The following TNIK variants were observed in gnomAD, a reference collection of about 807,000 sequenced individuals.
TNIK encodes TRAF2 and NCK interacting kinase.
Under a neutral mutation model 191.3 loss-of-function variants are expected in TNIK, and 49 were observed. The ratio of observed to expected loss-of-function variants is 0.26; its 90% CI spans 0.20 to 0.32. TNIK has a LOEUF of 0.32. Ranked by LOEUF, TNIK falls within the 10% of genes least tolerant of loss-of-function variation. The pLI, the probability that TNIK is intolerant of heterozygous loss-of-function variation, is 1.00. For synonymous variants in TNIK, 594 were observed against 600.9 expected (o/e 0.99, Z 0.17); for missense variants, 1,155 against 1,702.3 (o/e 0.68, Z 5.66).
intron 12 of TNIK, among the ~76,000 whole-genome samples, chr3:171,146,756 G>A (rs1731650037): frequency 6.6e-6 from 1 of 151,992 alleles, no homozygotes; most frequent in Non-Finnish European, 1.5e-5. Flanking sequence ...TGGGTGTGAT[G>A]GTGCGTGCCT....
At chr3:171,330,234 T>G (rs1408898202) in intron 2 of TNIK, among the ~76,000 whole-genome samples, 2 of 152,210 alleles carry the variant, frequency 1.3e-5, no homozygotes, top group African/African-American at 4.8e-5. Flanking sequence ...ATCAGTCAAG[T>G]GTCATTGAGT....
At chr3:171,299,951 A>G (rs1317044421) in intron 2 of TNIK, among the ~76,000 whole-genome samples, 1 of 152,238 alleles carries the variant, frequency 6.6e-6, no homozygotes, top group Non-Finnish European at 1.5e-5. Context: ...GGGATGAATG[A>G]TATCTTTCAA....
At chr3:171,341,062 A>T (rs1460286996) in intron 2 of TNIK, among the ~76,000 whole-genome samples, 1 of 152,188 alleles carries the variant, frequency 6.6e-6, no homozygotes, top group East Asian at 1.9e-4. Context: ...CAAAACCATG[A>T]GCTTATGGCT....
chr3:171,066,090 T>C, intron 32 of TNIK, 97 bp downstream of exon 32: 1 of 1,464,868 alleles, frequency 6.8e-7, no homozygotes, highest in Non-Finnish European at 9.3e-7. Context: ...TTAACACAGA[T>C]GTGATTCAAA....
chr3:171,440,161 C>T (rs1407038763), intron 1 of TNIK, among the ~76,000 whole-genome samples: 1 of 152,192 alleles, frequency 6.6e-6, no homozygotes, highest in Non-Finnish European at 1.5e-5. Flanking sequence ...AAGCCCTCTT[C>T]CTTTCTCCAC....
At position 171,338,469 on chromosome 3, in the gene TNIK, G is replaced by T. The variant is rs1316770805; in HGVS notation, c.123+31151C>A. 2.0e-5 allele frequency among the ~76,000 whole-genome samples: 3 copies of T among 152,016 alleles called. No individual in the cohort carries two copies. In the East Asian group the frequency reaches 5.8e-4, roughly 29 times the overall value. Reference sequence around the variant, plus strand: ...ATTGAATGCTTACTATGTGTGCCAAGAAATGTGCTTAACTCTTTTTTATTA... The same window carrying T: ...ATTGAATGCTTACTATGTGTGCCAATAAATGTGCTTAACTCTTTTTTATTA... On this transcript the variant is annotated intron_variant, in intron 2 of 32. Transcript: ENST00000436636.
At chr3:171,342,199 A>G (rs1452203293) in intron 2 of TNIK, among the ~76,000 whole-genome samples, 1 of 152,248 alleles carries the variant, frequency 6.6e-6, no homozygotes, top group East Asian at 1.9e-4. Context: ...TTTGTTACCC[A>G]CAAACAGCTG....
intron 24 of TNIK, among the ~76,000 whole-genome samples, chr3:171,086,973 A>G (rs61791156): frequency 0.1 from 15,556 of 152,172 alleles, 901 homozygotes; most frequent in Middle Eastern, 0.15. Flanking sequence ...AAATTAACAC[A>G]AATATAAACC....
chr3:171,151,438 G>A (rs1732420146), intron 12 of TNIK, among the ~76,000 whole-genome samples: 1 of 152,148 alleles, frequency 6.6e-6, no homozygotes, highest in African/African-American at 2.4e-5. Context: ...CTTGACTTTG[G>A]TCAAAGGCAC....
chr3:171,347,784 C>T (rs1397668628), intron 2 of TNIK, among the ~76,000 whole-genome samples: 1 of 152,042 alleles, frequency 6.6e-6, no homozygotes, highest in African/African-American at 2.4e-5. Context: ...GAAAGCCATC[C>T]CCCTCTTAAT....
At chr3:171,388,485 T>C (rs1021755836) in intron 1 of TNIK, among the ~76,000 whole-genome samples, 2 of 152,232 alleles carry the variant, frequency 1.3e-5, no homozygotes, top group Non-Finnish European at 2.9e-5. Flanking sequence ...ATTCAGGTCC[T>C]GCCACGCATT....
chr3:171,200,199 C>T (rs533950503), intron 4 of TNIK, among the ~76,000 whole-genome samples: 24 of 152,058 alleles, frequency 1.6e-4, no homozygotes, highest in South Asian at 8.3e-4. Flanking sequence ...CACTCAACAC[C>T]GCCTAAATAA....
chr3:171,172,693 C>T (rs1005982666), intron 9 of TNIK, among the ~76,000 whole-genome samples: 3 of 152,118 alleles, frequency 2.0e-5, no homozygotes, highest in Non-Finnish European at 4.4e-5. Flanking sequence ...TTTTGTTTCC[C>T]CGGTCTCTCT....
intron 1 of TNIK, among the ~76,000 whole-genome samples, chr3:171,387,759 GA>G (rs902160585): frequency 1.3e-5 from 2 of 152,158 alleles, no homozygotes; most frequent in Non-Finnish European, 2.9e-5. Context: ...GTAGGATTAT[GA>G]ATTTCAAACC....
At chr3:171,185,074 A>G (rs980154238) in intron 7 of TNIK, among the ~76,000 whole-genome samples, 5 of 152,166 alleles carry the variant, frequency 3.3e-5, no homozygotes, top group African/African-American at 1.2e-4. Flanking sequence ...AAAAAACATA[A>G]CAGGACAGAA....
At chr3:171,219,901 C>G (rs188373409) in intron 3 of TNIK, among the ~76,000 whole-genome samples, 487 of 152,190 alleles carry the variant, frequency 3.2e-3, no homozygotes, top group Non-Finnish European at 5.8e-3. Context: ...GGTATATACC[C>G]AAAGGATTAT....
At chr3:171,380,010 AACAC>A (rs142059726) in intron 1 of TNIK, among the ~76,000 whole-genome samples, 3 of 123,182 alleles carry the variant, frequency 2.4e-5, no homozygotes, top group Non-Finnish European at 5.1e-5. Context: ...ACTTGGTCAA[AACAC>A]ACACACACAC....
At position 171,433,562 on chromosome 3, in the gene TNIK, C is replaced by T. The variant is rs369039187; in HGVS notation, c.57+26445G>A. Among the ~76,000 whole-genome samples, 53 of 152,246 alleles carry T rather than the reference C, an allele frequency of 3.5e-4. 1 individual carries two copies. The highest frequency in any genetic ancestry group is 1.3e-3 in the African/African-American group (53 of 41,568). On this transcript the variant is annotated intron_variant, in intron 1 of 32. Coordinates refer to ENST00000436636, the MANE Select transcript of TNIK (RefSeq NM_015028.4). The stretch of plus-strand genomic sequence containing the variant: ...CTTTTATGCGGCAAATATTGCATCA[C>T]AGACACAGAACACACACACAGACAT...
chr3:171,278,403 ACATAAGTATTCAG>A (rs1279812312), intron 2 of TNIK, among the ~76,000 whole-genome samples: 2 of 152,194 alleles, frequency 1.3e-5, no homozygotes, highest in African/African-American at 4.8e-5. Flanking sequence ...ATCAACATCA[ACATAAGTATTCAG>A]CATTCTAGGC....
Sources: allele counts gnomAD v4.1 joint callset (sites outside exome capture counted in the v4.1 genomes callset), GRCh38; gene constraint gnomAD v4.1.1; transcripts MANE v1.5; gene names NCBI Gene and HGNC (gene_info 2026-07-23, HGNC 2026-07-21).